The following SREBF2 variants were observed in gnomAD, a reference collection of about 807,000 sequenced individuals.
SREBF2 encodes the protein sterol regulatory element-binding protein 2.
A neutral mutation model predicts 113.1 loss-of-function variants in SREBF2; 55 were observed. The ratio of observed to expected loss-of-function variants is 0.49; its 90% CI spans 0.39 to 0.61. The LOEUF (loss-of-function observed/expected upper bound fraction) is 0.61. SREBF2 is among the 20% of genes least tolerant of loss of function. SREBF2 has a pLI of 0.00. For missense variants in SREBF2, 1,349 were observed against 1,487.4 expected, an observed-to-expected ratio of 0.91 and a Z score of 1.53; for synonymous variants, 593 against 605.7, an observed-to-expected ratio of 0.98 and a Z score of 0.31.
chr22:41,899,811 C>A (rs2077449295), intron 15 of SREBF2, among the ~76,000 whole-genome samples: 2 of 152,164 alleles, frequency 1.3e-5, no homozygotes, highest in Admixed American at 1.3e-4. Flanking sequence ...GCACTGCTGC[C>A]TGCTGGATTC....
intron 1 of SREBF2, among the ~76,000 whole-genome samples, chr22:41,837,279 C>T (rs1278077774): frequency 1.3e-5 from 2 of 152,054 alleles, no homozygotes; most frequent in East Asian, 1.9e-4. Flanking sequence ...GATTTTTGGC[C>T]GGGCACAGTG....
chr22:41,845,939 C>T (rs2076873199), intron 1 of SREBF2, among the ~76,000 whole-genome samples: 1 of 152,106 alleles, frequency 6.6e-6, no homozygotes, highest in South Asian at 2.1e-4. Context: ...GTGGAGGGGG[C>T]AGGATCAGAG....
At chr22:41,859,599 G>C (rs1051541410) in intron 1 of SREBF2, among the ~76,000 whole-genome samples, 2 of 150,792 alleles carry the variant, frequency 1.3e-5, no homozygotes, top group African/African-American at 4.9e-5. Flanking sequence ...TAAAGCAAAA[G>C]TGTCAAAAAA....
intron 1 of SREBF2, among the ~76,000 whole-genome samples, chr22:41,848,062 C>T (rs1222360844): frequency 6.6e-6 from 1 of 151,672 alleles, no homozygotes; most frequent in Non-Finnish European, 1.5e-5. Flanking sequence ...ACTACAGGCG[C>T]CCGCCACCAC....
intron 1 of SREBF2, among the ~76,000 whole-genome samples, chr22:41,864,251 T>TACACACACAC (rs1263929749): frequency 2.1e-5 from 2 of 94,830 alleles, no homozygotes; most frequent in African/African-American, 8.4e-5. Context: ...TATATATATA[T>TACACACACAC]ATATATATAT....
At chr22:41,893,078 G>A (rs2077379600) in intron 11 of SREBF2, 39 bp from the exon 12 acceptor site, 2 of 1,609,898 alleles carry the variant, frequency 1.2e-6, no homozygotes, top group Non-Finnish European at 1.7e-6. Context: ...CCAGCATTCT[G>A]CCACCTTGGT....
chr22:41,905,096 CTG>C, intron 18 of SREBF2, 122 bp downstream of exon 18: 1 of 989,422 alleles, frequency 1.0e-6, no homozygotes, highest in East Asian at 2.6e-5. Flanking sequence ...TCTCGCCTCT[CTG>C]AGAATGAAAG....
At chr22:41,879,098 T>A (rs2148394425) in intron 9 of SREBF2, among the ~76,000 whole-genome samples, 1 of 152,272 alleles carries the variant, frequency 6.6e-6, no homozygotes, top group South Asian at 2.1e-4. Flanking sequence ...TAGGCTCAAG[T>A]GATCCTCTCA....
At position 41,877,262 on chromosome 22, in the gene SREBF2, C is replaced by T. The variant is rs2077204760; in HGVS notation, c.1420C>T (p.Leu474=). The part of the protein sequence containing the change: ...KDEPDSPPVA[L]GMVDRSRILL... ...TGAGCCAGACTCTCCTCCTGTGGCG[C>T]TGGGCATGGTAGACCGCTCACGGAT... Residue 474 remains leucine (L), a synonymous_variant, in exon 8 of 19, where the codon CTG becomes TTG. Coordinates refer to ENST00000361204, the MANE Select transcript of SREBF2 (RefSeq NM_004599.4). 1 of 1,614,126 alleles carries T rather than the reference C, an allele frequency of 6.2e-7. No homozygotes were observed. The highest frequency in any genetic ancestry group is 1.7e-5 in the Admixed American group (1 of 60,002).
intron 11 of SREBF2, among the ~76,000 whole-genome samples, chr22:41,890,513 A>G (rs569209400): frequency 3.9e-5 from 6 of 152,332 alleles, no homozygotes; most frequent in African/African-American, 1.4e-4. Flanking sequence ...GGACTGGCCC[A>G]GGGATACTGA....
chr22:41,892,980 G>A (rs901789807), intron 11 of SREBF2, 137 bp from the exon 12 acceptor site: 6 of 1,037,352 alleles, frequency 5.8e-6, no homozygotes, highest in Non-Finnish European at 8.8e-6. Context: ...AGGTACCTGT[G>A]GGAGTCCTAT....
intron 12 of SREBF2, 32 bp from the exon 13 acceptor site, chr22:41,894,788 C>T: frequency 2.5e-6 from 4 of 1,589,708 alleles, no homozygotes; most frequent in Non-Finnish European, 2.6e-6. Flanking sequence ...AAATGAGCTC[C>T]ATTTAACCCC....
chr22:41,878,756 G>A (rs2077220095), intron 9 of SREBF2: 1 of 1,303,942 alleles, frequency 7.7e-7, no homozygotes, highest in Non-Finnish European at 1.0e-6. Flanking sequence ...CTCCTCAGCA[G>A]CAGTGAGCCA....
intron 9 of SREBF2, 44 bp downstream of exon 9, chr22:41,878,167 C>T (rs551816035): frequency 1.9e-5 from 30 of 1,610,262 alleles, no homozygotes; most frequent in Middle Eastern, 3.6e-4. Flanking sequence ...CCAGACTTGA[C>T]AAATAATTCA....
intron 1 of SREBF2, among the ~76,000 whole-genome samples, chr22:41,851,833 C>A (rs1249214855): frequency 2.0e-5 from 3 of 149,024 alleles, no homozygotes; most frequent in Non-Finnish European, 4.5e-5. Flanking sequence ...AAAAAAAAAA[C>A]AAAGCGGCCG....
Position 41,874,006 on chromosome 22 carries a change from G to C in SREBF2, c.1076G>C (p.Gly359Ala). 1 of 1,614,108 alleles carries C rather than the reference G, an allele frequency of 6.2e-7. No homozygotes were observed. The highest frequency in any genetic ancestry group is 8.5e-7 in the Non-Finnish European group (1 of 1,180,016). ...KIIELKDLVMGTDAKMHKSGV... is the reference protein window; with the variant it reads ...KIIELKDLVMATDAKMHKSGV... Reference sequence around the variant, plus strand: ...ATCGAATTGAAAGACCTGGTCATGGGGACAGACGCCAAGGTGGGTGCCAAG... The same window carrying C: ...ATCGAATTGAAAGACCTGGTCATGGCGACAGACGCCAAGGTGGGTGCCAAG... Residue 359 changes from glycine (G) to alanine (A), a missense_variant, in exon 5 of 19, where the codon GGG (glycine) becomes GCG (alanine). Transcript: ENST00000361204.
At chr22:41,839,250 G>T (rs1156378769) in intron 1 of SREBF2, among the ~76,000 whole-genome samples, 2 of 152,268 alleles carry the variant, frequency 1.3e-5, no homozygotes, top group South Asian at 2.1e-4. Flanking sequence ...TATCTTAATT[G>T]TGCTGAAATT....
At chr22:41,855,019 TAAA>T (rs746090034) in intron 1 of SREBF2, among the ~76,000 whole-genome samples, 1 of 138,528 alleles carries the variant, frequency 7.2e-6, no homozygotes. Context: ...TGTGCAGCAT[TAAA>T]AAAAAAAAAA....
rs2077511707 is a variant in SREBF2 at position 41,906,652 on chromosome 22, G to A, written c.*992G>A. ...CTTAGGATATTTTCATTTATGATGGGTTTATCAGGAAGTAACCCCATGGTA... is the reference window on the plus strand; with the variant it reads ...CTTAGGATATTTTCATTTATGATGGATTTATCAGGAAGTAACCCCATGGTA... On this transcript the variant is annotated 3_prime_UTR_variant, in exon 19 of 19. Transcript: ENST00000361204. 1 of 152,276 alleles carries A rather than the reference G, an allele frequency of 6.6e-6. No individual in the cohort carries two copies. The highest frequency in any genetic ancestry group is 2.1e-4 in the South Asian group (1 of 4,832). 9.4% of individuals were successfully genotyped at this position (152,276 alleles called of 1,614,324 possible). A position where few individuals can be genotyped will look rare whatever the true frequency, so the allele number is the denominator to read the frequency against.
Sources: allele counts gnomAD v4.1 joint callset (sites outside exome capture counted in the v4.1 genomes callset), GRCh38; gene constraint gnomAD v4.1.1; transcripts MANE v1.5; gene names NCBI Gene and HGNC (gene_info 2026-07-23, HGNC 2026-07-21).